Variants in FGF12 observed in about 807,000 individuals in gnomAD.
The protein encoded by FGF12 is fibroblast growth factor 12.
FGF12 carries 14 observed loss-of-function variants against 23.6 expected under a neutral mutation model. That is an observed-to-expected ratio of 0.59 (90% CI 0.39 to 0.93). The LOEUF (loss-of-function observed/expected upper bound fraction) is 0.93, where lower values mean the gene tolerates loss of function less well. Ranked by LOEUF, FGF12 falls within the 40% of genes least tolerant of loss-of-function variation. The pLI is 0.00. For synonymous variants in FGF12, 62 were observed against 77.3 expected (o/e 0.80, Z 1.04); for missense variants, 175 against 217.8 (o/e 0.80, Z 1.24).
At chr3:192,669,495 G>A (rs906199071) in intron 2 of FGF12, among the ~76,000 whole-genome samples, 3 of 151,422 alleles carry the variant, frequency 2.0e-5, no homozygotes, top group Admixed American at 1.3e-4. Context: ...ACTGAGGCAG[G>A]AGAATCGCTT....
chr3:192,664,288 T>C (rs1312363263), intron 2 of FGF12, among the ~76,000 whole-genome samples: 1 of 152,126 alleles, frequency 6.6e-6, no homozygotes, highest in African/African-American at 2.4e-5. Context: ...CTGAGAAGCA[T>C]TGAGTGTGAG....
intron 2 of FGF12, among the ~76,000 whole-genome samples, chr3:192,442,437 T>C (rs1183850710): frequency 6.6e-6 from 1 of 152,150 alleles, no homozygotes; most frequent in Non-Finnish European, 1.5e-5. Flanking sequence ...GAAAAGATAA[T>C]AGACTCAAGA....
At chr3:192,192,374 T>C (rs1483008060) in intron 4 of FGF12, among the ~76,000 whole-genome samples, 5 of 150,022 alleles carry the variant, frequency 3.3e-5, no homozygotes, top group South Asian at 4.2e-4. Flanking sequence ...TTTACACATA[T>C]ACTTTTCATA....
rs1279724882 is a variant in FGF12 at position 192,142,078 on chromosome 3, CTTTA to C, written c.*1927_*1930del. Reference sequence around the variant, plus strand: ...GTCCATTTTTAGAAAATTTAAATGTCTTTATTTGTTACTTTCCAAATATTTTGGT... The same window carrying C: ...GTCCATTTTTAGAAAATTTAAATGTCTTTGTTACTTTCCAAATATTTTGGT... On this transcript the variant is annotated 3_prime_UTR_variant, in exon 6 of 6. Coordinates refer to ENST00000445105, the MANE Select transcript of FGF12 (RefSeq NM_004113.6). 7 of 152,484 alleles carry C rather than the reference CTTTA, an allele frequency of 4.6e-5. No individual in the cohort carries two copies. In the South Asian group the frequency reaches 8.3e-4, roughly 18 times the overall value. The allele number at this position is 152,484 out of a possible 1,614,324, so 9.4% of individuals were successfully genotyped here.
intron 4 of FGF12, among the ~76,000 whole-genome samples, chr3:192,266,590 T>A (rs1713090844): frequency 6.6e-6 from 1 of 152,118 alleles, no homozygotes. Context: ...TAAATTAAAA[T>A]ATGTCATAGC....
chr3:192,171,615 C>A (rs929551191), intron 4 of FGF12, among the ~76,000 whole-genome samples: 1 of 152,118 alleles, frequency 6.6e-6, no homozygotes, highest in Non-Finnish European at 1.5e-5. Context: ...CTTCTGAGAT[C>A]AGCAGAAGAA....
chr3:192,637,907 A>C (rs2108661856), intron 2 of FGF12, among the ~76,000 whole-genome samples: 1 of 152,318 alleles, frequency 6.6e-6, no homozygotes, highest in African/African-American at 2.4e-5. Flanking sequence ...TTAGCAAGAA[A>C]CCTGAAATGC....
chr3:192,259,161 T>C (rs894932389), intron 4 of FGF12, among the ~76,000 whole-genome samples: 1 of 152,068 alleles, frequency 6.6e-6, no homozygotes, highest in African/African-American at 2.4e-5. Context: ...AGGTCATGGG[T>C]TGAGCTTGAT....
At chr3:192,573,766 A>G (rs1712756074) in intron 2 of FGF12, among the ~76,000 whole-genome samples, 1 of 152,264 alleles carries the variant, frequency 6.6e-6, no homozygotes, top group Non-Finnish European at 1.5e-5. Flanking sequence ...TATAAGAAAC[A>G]AACAGAGCAA....
chr3:192,435,451 T>C (rs1452128084), intron 2 of FGF12, among the ~76,000 whole-genome samples: 1 of 152,194 alleles, frequency 6.6e-6, no homozygotes, highest in East Asian at 1.9e-4. Flanking sequence ...CTGCTCACTG[T>C]GATAATCCCC....
rs1308940913 is a variant in FGF12 at position 192,650,363 on chromosome 3, C to G, written c.13+76818G>C. On this transcript the variant is annotated intron_variant, in intron 2 of 5. Transcript: ENST00000445105. ...GAATATGCCATACTGTTTCACATCTCCATGCCTTTGCACCTGCTATTTCCA... is the reference window on the plus strand; with the variant it reads ...GAATATGCCATACTGTTTCACATCTGCATGCCTTTGCACCTGCTATTTCCA... Among the ~76,000 whole-genome samples the G allele has an allele frequency of 2.0e-5, 3 of 152,212 alleles. No individual in the cohort carries two copies. The East Asian group carries it at 5.8e-4, about 29-fold the overall frequency.
chr3:192,340,400 C>A (rs1717634599), intron 3 of FGF12, among the ~76,000 whole-genome samples: 1 of 152,026 alleles, frequency 6.6e-6, no homozygotes, highest in South Asian at 2.1e-4. Context: ...CAGATAGAGA[C>A]AGAGAAAACA....
chr3:192,682,972 G>A (rs1289602074), intron 2 of FGF12, among the ~76,000 whole-genome samples: 1 of 152,216 alleles, frequency 6.6e-6, no homozygotes, highest in South Asian at 2.1e-4. Flanking sequence ...TGCTGTCATG[G>A]GGAGAGGGCA....
intron 4 of FGF12, among the ~76,000 whole-genome samples, chr3:192,315,764 T>C (rs1440369291): frequency 6.6e-6 from 1 of 152,152 alleles, no homozygotes; most frequent in Admixed American, 6.6e-5. Context: ...GGTGAACTGA[T>C]TTCCTACAGC....
rs538038655 is a variant in FGF12 at position 192,458,570 on chromosome 3, T to C, written c.14-98032A>G. Among the ~76,000 whole-genome samples the C allele has an allele frequency of 1.6e-3, 245 of 152,298 alleles. 1 individual carries two copies. The highest frequency in any genetic ancestry group is 5.5e-3 in the African/African-American group (228 of 41,566). On this transcript the variant is annotated intron_variant, in intron 2 of 5. Transcript: ENST00000445105. ...CCTTTGTTTTAGCCAATTTTTCCCA[T>C]TTGGAATGGCTGTATTTACCCAATA...
At chr3:192,344,631 C>CT (rs1560078590) in intron 3 of FGF12, among the ~76,000 whole-genome samples, 1 of 152,168 alleles carries the variant, frequency 6.6e-6, no homozygotes, top group Non-Finnish European at 1.5e-5. Flanking sequence ...TAAGCATTGG[C>CT]TGACAGCATA....
chr3:192,348,863 T>C (rs1718080661), intron 3 of FGF12, among the ~76,000 whole-genome samples: 4 of 152,146 alleles, frequency 2.6e-5, no homozygotes. Context: ...TTTTATAGGG[T>C]TATCACAAGA....
intron 2 of FGF12, among the ~76,000 whole-genome samples, chr3:192,696,377 C>T (rs112665771): frequency 4.6e-5 from 7 of 152,212 alleles, no homozygotes; most frequent in African/African-American, 1.7e-4. Context: ...TGGGCAATGG[C>T]TGCAGAGCTT....
chr3:192,702,212 G>T (rs1340693715), intron 2 of FGF12, among the ~76,000 whole-genome samples: 3 of 152,120 alleles, frequency 2.0e-5, no homozygotes, highest in Admixed American at 2.0e-4. Context: ...TTTCTTAAAG[G>T]CTGAATTGTA....
Sources: gnomAD v4.1 joint callset for allele counts (sites outside exome capture counted in the v4.1 genomes callset) on GRCh38, gnomAD v4.1.1 for gene constraint, MANE v1.5 for transcripts, NCBI Gene and HGNC (gene_info 2026-07-23, HGNC 2026-07-21) for gene names.